Variants in BMPR2 observed in about 807,000 individuals in gnomAD.
BMPR2 encodes the protein bone morphogenetic protein receptor type 2.
Under a neutral mutation model 100.8 loss-of-function variants are expected in BMPR2, and 29 were observed. The observed-to-expected ratio is 0.29, with a 90% confidence interval of 0.21 to 0.39. The LOEUF (loss-of-function observed/expected upper bound fraction) is 0.39. Among genes scored for constraint, BMPR2 ranks in the 10% least tolerant of loss-of-function variants. The probability of loss-of-function intolerance (pLI) is 1.00; values close to 1 mark genes in which losing one functional copy is unlikely to be tolerated. For missense variants in BMPR2, 1,011 were observed against 1,274.5 expected, an observed-to-expected ratio of 0.79 and a Z score of 3.15; for synonymous variants, 382 against 442.3, an observed-to-expected ratio of 0.86 and a Z score of 1.71.
chr2:202,456,553 C>T (rs1345600618), intron 1 of BMPR2, among the ~76,000 whole-genome samples: 6 of 146,202 alleles, frequency 4.1e-5, no homozygotes, highest in Admixed American at 1.4e-4. Flanking sequence ...CTCGCTCTGT[C>T]GCCTAGGCTG....
At chr2:202,520,347 T>C (rs965963855) in intron 7 of BMPR2, 146 bp downstream of exon 7, 1 of 706,020 alleles carries the variant, frequency 1.4e-6, no homozygotes, top group African/African-American at 1.8e-5. Context: ...CAGCATGAAA[T>C]GCATTTGAAA....
At chr2:202,485,545 C>CTTTTTTTTTTTTTTTTTCTTTTT (rs1692758067) in intron 3 of BMPR2, among the ~76,000 whole-genome samples, 1 of 64,010 alleles carries the variant, frequency 1.6e-5, no homozygotes, top group Non-Finnish European at 2.7e-5. Context: ...TTGCCTTTAT[C>CTTTTTTTTTTTTTTTTTCTTTTT]TTTTTTTTTT....
At chr2:202,416,634 C>T (rs1003887187) in intron 1 of BMPR2, among the ~76,000 whole-genome samples, 7 of 151,086 alleles carry the variant, frequency 4.6e-5, no homozygotes, top group East Asian at 2.0e-4. Context: ...CCGTGTTGGC[C>T]GAGATGGTCT....
At chr2:202,462,702 G>T (rs528153356) in intron 1 of BMPR2, among the ~76,000 whole-genome samples, 39 of 140,840 alleles carry the variant, frequency 2.8e-4, no homozygotes, top group Admixed American at 6.4e-4. Flanking sequence ...TTTGTTTTTT[G>T]TTGTTGTTGT....
chr2:202,419,807 AT>A (rs1418420510), intron 1 of BMPR2, among the ~76,000 whole-genome samples: 1 of 152,170 alleles, frequency 6.6e-6, no homozygotes, highest in African/African-American at 2.4e-5. Context: ...ACTCTTTACA[AT>A]GCTTTTCCCC....
In BMPR2 at chr2:202,534,197, CATAT is replaced by C. The variant is rs1007532397; in HGVS notation, c.1276+1470_1276+1473del. Reference sequence around the variant, plus strand: ...GTATATATATATACACACACACACACATATATATGTATCGTGTGTGTGTGTATAT... The same window carrying C: ...GTATATATATATACACACACACACACATATGTATCGTGTGTGTGTGTATAT... On this transcript the variant is annotated intron_variant, in intron 9 of 12. Transcript: ENST00000374580. 2.1e-5 allele frequency among the ~76,000 whole-genome samples: 3 copies of C among 144,998 alleles called. No individual in the cohort carries two copies. The East Asian group carries it at 5.9e-4, about 28-fold the overall frequency.
At chr2:202,386,132 C>A (rs1488019920) in intron 1 of BMPR2, among the ~76,000 whole-genome samples, 2 of 152,124 alleles carry the variant, frequency 1.3e-5, no homozygotes, top group Non-Finnish European at 2.9e-5. Flanking sequence ...GTCTTTAGAC[C>A]TTTTCTCTGT....
chr2:202,551,329 ACATAGTGAAACCCCGTCTC>A (rs1477982241), intron 10 of BMPR2, among the ~76,000 whole-genome samples: 3 of 150,960 alleles, frequency 2.0e-5, no homozygotes, highest in Admixed American at 6.6e-5. Context: ...AGCCTGGCTA[ACATAGTGAAACCCCGTCTC>A]TACTAAAGAT....
chr2:202,424,199 C>G (rs10194377), intron 1 of BMPR2, among the ~76,000 whole-genome samples: 1 of 151,616 alleles, frequency 6.6e-6, no homozygotes, highest in African/African-American at 2.4e-5. Context: ...CATGGTGACA[C>G]CCTGTCTCTA....
intron 7 of BMPR2, among the ~76,000 whole-genome samples, chr2:202,527,755 C>G (rs1687944696): frequency 6.6e-6 from 1 of 151,550 alleles, no homozygotes; most frequent in Admixed American, 6.6e-5. Flanking sequence ...CCACTGCAGT[C>G]GGCAGTCCGG....
chr2:202,395,133 C>T (rs866402269), intron 1 of BMPR2, among the ~76,000 whole-genome samples: 13 of 152,158 alleles, frequency 8.5e-5, no homozygotes, highest in South Asian at 8.3e-4. Flanking sequence ...TCACCCGCCT[C>T]GGCCTCCCAA....
At chr2:202,413,631 T>G (rs1052858061) in intron 1 of BMPR2, among the ~76,000 whole-genome samples, 19 of 151,976 alleles carry the variant, frequency 1.3e-4, no homozygotes, top group African/African-American at 4.3e-4. Flanking sequence ...ATATATTACA[T>G]ATTGTTCATT....
chr2:202,419,897 C>T (rs969599580), intron 1 of BMPR2, among the ~76,000 whole-genome samples: 12 of 152,066 alleles, frequency 7.9e-5, no homozygotes, highest in Non-Finnish European at 1.5e-4. Flanking sequence ...GCCTGTAATA[C>T]GCGCACTTTG....
At chr2:202,400,505 G>A (rs1559026395) in intron 1 of BMPR2, among the ~76,000 whole-genome samples, 1 of 152,052 alleles carries the variant, frequency 6.6e-6, no homozygotes, top group Non-Finnish European at 1.5e-5. Flanking sequence ...TACAAAAGCT[G>A]ATTTTTAACT....
intron 1 of BMPR2, among the ~76,000 whole-genome samples, chr2:202,384,029 G>C (rs1340604854): frequency 6.6e-6 from 1 of 151,634 alleles, no homozygotes; most frequent in Non-Finnish European, 1.5e-5. Flanking sequence ...AAAATTACCC[G>C]GGCGTGGTGG....
At chr2:202,521,428 G>A (rs1442729134) in intron 7 of BMPR2, among the ~76,000 whole-genome samples, 2 of 152,114 alleles carry the variant, frequency 1.3e-5, no homozygotes, top group Admixed American at 6.5e-5. Flanking sequence ...TTAGCTGGAC[G>A]TGGTGGCATG....
At chr2:202,489,613 C>T (rs1574474486) in intron 3 of BMPR2, among the ~76,000 whole-genome samples, 1 of 152,028 alleles carries the variant, frequency 6.6e-6, no homozygotes, top group Admixed American at 6.6e-5. Flanking sequence ...CATATCTTAC[C>T]CCACAAAACA....
At chr2:202,422,703 G>T (rs950215308) in intron 1 of BMPR2, among the ~76,000 whole-genome samples, 2 of 151,922 alleles carry the variant, frequency 1.3e-5, no homozygotes, top group African/African-American at 2.4e-5. Flanking sequence ...TTGAGATAGA[G>T]TCTCCCTCTG....
At chr2:202,463,146 A>G (rs1692254245) in intron 1 of BMPR2, among the ~76,000 whole-genome samples, 1 of 152,226 alleles carries the variant, frequency 6.6e-6, no homozygotes, top group African/African-American at 2.4e-5. Flanking sequence ...TTTAGAAAAT[A>G]TATAATGGTA....
Sources: allele counts gnomAD v4.1 joint callset (sites outside exome capture counted in the v4.1 genomes callset), GRCh38; gene constraint gnomAD v4.1.1; transcripts MANE v1.5; gene names NCBI Gene and HGNC (gene_info 2026-07-23, HGNC 2026-07-21).